Variants in SEC16A observed in about 807,000 individuals in gnomAD.
SEC16A encodes protein transport protein Sec16A.
Under a neutral mutation model 221.9 loss-of-function variants are expected in SEC16A, and 110 were observed. The ratio of observed to expected loss-of-function variants is 0.50; its 90% CI spans 0.42 to 0.58. SEC16A has a LOEUF of 0.58. SEC16A is among the 20% of genes least tolerant of loss of function. The probability of loss-of-function intolerance (pLI) is 0.00; values close to 1 mark genes in which losing one functional copy is unlikely to be tolerated. For synonymous variants in SEC16A, 1,393 were observed against 1,257.7 expected, an observed-to-expected ratio of 1.11 and a Z score of -2.28; for missense variants, 3,165 against 3,097.8, an observed-to-expected ratio of 1.02 and a Z score of -0.52.
upstream of SEC16A, chr9:136,484,315 G>A: frequency 1.8e-6 from 2 of 1,094,138 alleles, no homozygotes; most frequent in South Asian, 4.1e-5. Context: ...GCGCTCCTGT[G>A]CCTGCCACGG....
Position 136,475,990 on chromosome 9 carries a change from C to A in SEC16A, c.1626G>T (p.Leu542=). The A allele has an allele frequency of 6.2e-7, 1 of 1,613,460 alleles. No individual in the cohort carries two copies. The highest frequency in any genetic ancestry group is 8.5e-7 in the Non-Finnish European group (1 of 1,179,896). ...RLSGSARPQE[L]VGTFIQQEVG... The stretch of plus-strand genomic sequence containing the variant: ...CTTCTTGCTGAATGAATGTGCCAAC[C>A]AGCTCCTGGGGCCTGGCTGAGCCTG... The change falls in exon 3 of 32, where the codon CTG becomes CTT. Residue 542 remains leucine (L), a synonymous_variant. Transcript: ENST00000684901. The surrounding 1 kb of genome is among the most constrained non-coding windows in gnomAD (Gnocchi z 5.0).
intron 2 of SEC16A, 90 bp from the exon 3 acceptor site, chr9:136,477,774 G>A (rs1186991750): frequency 4.8e-6 from 6 of 1,255,356 alleles, no homozygotes; most frequent in Non-Finnish European, 6.4e-6. Flanking sequence ...GAGAAACATT[G>A]AACATGATTT....
At chr9:136,469,559 G>A (rs1413717827) in intron 4 of SEC16A, among the ~76,000 whole-genome samples, 1 of 152,192 alleles carries the variant, frequency 6.6e-6, no homozygotes, top group African/African-American at 2.4e-5. Context: ...AGCTATGCAG[G>A]AGGCTGAGGC....
At position 136,455,709 on chromosome 9, in the gene SEC16A, T is replaced by C. The variant is rs1426966224; in HGVS notation, c.5749A>G (p.Arg1917Gly). Residue 1917 changes from arginine to glycine, a missense_variant, in exon 20 of 32, where the codon AGG (arginine) becomes GGG (glycine). Transcript: ENST00000684901. Reference protein sequence around the residue: ...TPSSEMEQLDRPGLSQPGALG... With the variant: ...TPSSEMEQLDGPGLSQPGALG... ...GCTCCTGGCTGACTGAGTCCTGGCC[T>C]GTCCAACTGCTCCATCTCGGAACTC... 6 of 1,594,272 alleles carry C rather than the reference T, an allele frequency of 3.8e-6. No homozygotes were observed. Among genetic ancestry groups the C allele is most frequent in the Non-Finnish European group, 5.1e-6 (6 of 1,171,122 alleles).
intron 11 of SEC16A, 140 bp from the exon 12 acceptor site, chr9:136,463,272 C>T: frequency 1.5e-6 from 2 of 1,320,236 alleles, no homozygotes; most frequent in South Asian, 1.4e-5. Flanking sequence ...GGGCTGAAAC[C>T]TCATCCCATC....
intron 12 of SEC16A, among the ~76,000 whole-genome samples, chr9:136,462,682 T>C (rs1323925364): frequency 6.6e-6 from 1 of 152,174 alleles, no homozygotes; most frequent in African/African-American, 2.4e-5. Flanking sequence ...TGGAAACAGT[T>C]AGAAGGAAAC....
intron 1 of SEC16A, among the ~76,000 whole-genome samples, chr9:136,482,000 G>GA (rs1025596579): frequency 5.3e-5 from 8 of 150,984 alleles, no homozygotes; most frequent in Non-Finnish European, 7.4e-5. Context: ...CAAAGAAAAA[G>GA]AAAAAAAAAG....
At chr9:136,443,397 A>T (rs1836484055) in intron 31 of SEC16A, among the ~76,000 whole-genome samples, 2 of 152,218 alleles carry the variant, frequency 1.3e-5, no homozygotes, top group South Asian at 4.1e-4. Flanking sequence ...TCATTCAGAA[A>T]AGAGAAGCTG....
chr9:136,454,880 T>C (rs1274779342), intron 20 of SEC16A, among the ~76,000 whole-genome samples: 2 of 152,156 alleles, frequency 1.3e-5, no homozygotes, highest in Non-Finnish European at 2.9e-5. Flanking sequence ...CGAAGCAGAC[T>C]GGACATCAGG....
In SEC16A at chr9:136,440,456, T is replaced by C. The variant is rs1443154711; in HGVS notation, c.*1299A>G. 6.6e-6 allele frequency: 1 copy of C among 152,606 alleles called. No individual in the cohort carries two copies. Among genetic ancestry groups the C allele is most frequent in the East Asian group, 1.9e-4 (1 of 5,340 alleles). 9.5% of individuals were successfully genotyped at this position (152,606 alleles called of 1,614,324 possible). On this transcript the variant is annotated 3_prime_UTR_variant, in exon 32 of 32. Transcript: ENST00000684901. ...TCTGTGCTAATTCCACATTCTACAATTTCTACACTTAAATTTAAAACACCA... is the reference window on the plus strand; with the variant it reads ...TCTGTGCTAATTCCACATTCTACAACTTCTACACTTAAATTTAAAACACCA...
intron 29 of SEC16A, 113 bp downstream of exon 29, chr9:136,445,532 C>T (rs900378615): frequency 5.4e-5 from 43 of 796,904 alleles, no homozygotes; most frequent in Non-Finnish European, 8.4e-5. Flanking sequence ...GCTCTTGTTT[C>T]TAAACTGCCT....
chr9:136,446,748 T>A, intron 28 of SEC16A, 107 bp downstream of exon 28: 1 of 1,153,334 alleles, frequency 8.7e-7, no homozygotes, highest in Non-Finnish European at 1.2e-6. Context: ...CGGAACACTC[T>A]ACGTACACAT....
chr9:136,451,007 G>A (rs1837711869), intron 23 of SEC16A, among the ~76,000 whole-genome samples: 1 of 152,194 alleles, frequency 6.6e-6, no homozygotes, highest in Non-Finnish European at 1.5e-5. Flanking sequence ...GGGTCTGACA[G>A]GTAGTGGCCA....
In SEC16A at chr9:136,483,021, G is replaced by A. The variant is rs1842612984; in HGVS notation, c.-275C>T. On this transcript the variant is annotated 5_prime_UTR_variant, in exon 1 of 32. Transcript: ENST00000684901. ...GACGAGCACAGACACCTCAGCCGCCGCAGCCATCTTGGCACATCCGGCTCG... is the reference window on the plus strand; with the variant it reads ...GACGAGCACAGACACCTCAGCCGCCACAGCCATCTTGGCACATCCGGCTCG... The A allele has an allele frequency of 2.0e-6, 2 of 985,018 alleles. No homozygotes were observed. The highest frequency in any genetic ancestry group is 1.8e-5 in the African/African-American group (1 of 57,130). The allele number at this position is 985,018 out of a possible 1,614,324, so 61.0% of individuals were successfully genotyped here.
chr9:136,468,427 A>T lies in SEC16A; in HGVS notation c.3790T>A (p.Tyr1264Asn). The T allele has an allele frequency of 6.2e-7, 1 of 1,610,472 alleles. No individual in the cohort carries two copies. Among genetic ancestry groups the T allele is most frequent in the Non-Finnish European group, 8.5e-7 (1 of 1,176,860 alleles). ...DYYASYYSSQ[Y>N]DYGDPGHWDR... ...TTCCTTGACATACCTCCATAATCGTACTGGCTGGAGTAATAGCTTGCATAG... is the reference window on the plus strand; with the variant it reads ...TTCCTTGACATACCTCCATAATCGTTCTGGCTGGAGTAATAGCTTGCATAG... Residue 1264 changes from tyrosine (Y) to asparagine (N), a missense_variant, in exon 5 of 32, where the codon TAC becomes AAC. Tyr to Asn is a moderately radical substitution (Grantham distance 143, BLOSUM62 -2). Coordinates refer to ENST00000684901, the MANE Select transcript of SEC16A (RefSeq NM_014866.2).
chr9:136,455,728 G>A lies in SEC16A; in HGVS notation c.5730C>T (p.Ser1910=), dbSNP rs371890984. The A allele has an allele frequency of 1.4e-5, 23 of 1,596,756 alleles. No homozygotes were observed. Among genetic ancestry groups the A allele is most frequent in the Middle Eastern group, 1.7e-4 (1 of 6,058 alleles). Residue 1910 remains serine (S), a synonymous_variant, in exon 20 of 32, where the codon TCC becomes TCT. Transcript: ENST00000684901. ...LPQQCPGTPS[S]EMEQLDRPGL... ...CTGGCCTGTCCAACTGCTCCATCTC[G>A]GAACTCGGAGTGCCAGGACACTGCT... is the stretch of plus-strand genomic sequence containing the variant.
Position 136,455,679 on chromosome 9 carries a change from C to A in SEC16A, c.5779G>T (p.Gly1927Trp). Residue 1927 changes from glycine (G) to tryptophan (W), a missense_variant, in exon 20 of 32, where the codon GGG becomes TGG. Coordinates refer to ENST00000684901, the MANE Select transcript of SEC16A (RefSeq NM_014866.2). The stretch of plus-strand genomic sequence containing the variant: ...ACCGCCAGCAGAGGGTTGGCGATCC[C>A]CAGGGCTCCTGGCTGACTGAGTCCT... ...RPGLSQPGAL[G>W]IANPLLAVPA... is the part of the protein sequence containing the mutation. The A allele has an allele frequency of 6.3e-7, 1 of 1,594,086 alleles. No individual in the cohort carries two copies. Among genetic ancestry groups the A allele is most frequent in the East Asian group, 2.3e-5 (1 of 43,746 alleles).
Position 136,441,682 on chromosome 9 carries a change from C to CGGA in SEC16A, c.*70_*72dup. On this transcript the variant is annotated 3_prime_UTR_variant, in exon 32 of 32. Coordinates refer to ENST00000684901, the MANE Select transcript of SEC16A (RefSeq NM_014866.2). ...CTCCCTGGGGGCGGGACGGAGATCG[C>CGGA]GGAGGTCGGTCGGGTTCTTCGGGGA... 1 of 1,397,544 alleles carries CGGA rather than the reference C, an allele frequency of 7.2e-7. No individual in the cohort carries two copies. The highest frequency in any genetic ancestry group is 1.0e-6 in the Non-Finnish European group (1 of 987,910). The allele number at this position is 1,397,544 out of a possible 1,614,324, so 86.6% of individuals were successfully genotyped here.
chr9:136,440,888 G>A lies in SEC16A; in HGVS notation c.*867C>T, dbSNP rs1588845546. 6.6e-6 allele frequency: 1 copy of A among 152,466 alleles called. No homozygotes were observed. 9.4% of individuals were successfully genotyped at this position (152,466 alleles called of 1,614,324 possible). A position where few individuals can be genotyped will look rare whatever the true frequency, so the allele number is the denominator to read the frequency against. On this transcript the variant is annotated 3_prime_UTR_variant, in exon 32 of 32. Coordinates refer to ENST00000684901, the MANE Select transcript of SEC16A (RefSeq NM_014866.2). ...AAGTGCATCCAGCTTCCTTAACAGT[G>A]AGTCTAACCGTGCTCCTACACACGA...
Sources: gnomAD v4.1 joint callset for allele counts (sites outside exome capture counted in the v4.1 genomes callset) on GRCh38, gnomAD v4.1.1 for gene constraint, Gnocchi (gnomAD v3.1) non-coding constraint, MANE v1.5 for transcripts, NCBI Gene and HGNC (gene_info 2026-07-23, HGNC 2026-07-21) for gene names.